The following BAIAP2 variants were observed in gnomAD, a reference collection of about 807,000 sequenced individuals.
BAIAP2 encodes BAR/IMD domain containing adaptor protein 2.
In BAIAP2, 18 loss-of-function variants were observed where a neutral mutation model predicts 63.0. The ratio of observed to expected loss-of-function variants is 0.29; its 90% CI spans 0.20 to 0.42. The LOEUF (loss-of-function observed/expected upper bound fraction) is 0.42. Among genes scored for constraint, BAIAP2 ranks in the 10% least tolerant of loss-of-function variants. BAIAP2 has a pLI of 1.00. For synonymous variants in BAIAP2, 386 were observed against 307.6 expected (o/e 1.25, Z -2.67); for missense variants, 610 against 734.3 (o/e 0.83, Z 1.96).
Position 81,104,655 on chromosome 17 carries a change from C to T in BAIAP2, c.1208C>T (p.Thr403Ile), listed in dbSNP as rs1310438757. 7 of 1,608,810 alleles carry T rather than the reference C, an allele frequency of 4.4e-6. No individual in the cohort carries two copies. In the Admixed American group the frequency reaches 1.2e-4, roughly 27 times the overall value. Residue 403 changes from threonine to isoleucine, a missense_variant, in exon 10 of 14, where the codon ACC (threonine) becomes ATC (isoleucine). By Grantham distance (89) the Thr-to-Ile change is moderately conservative. This residue lies in a region of BAIAP2 where 67 missense variants were observed against 132.0 expected (regional missense o/e 0.51). Coordinates refer to ENST00000428708, the MANE Select transcript of BAIAP2 (RefSeq NM_001144888.2). ...AGCTTCAAGGAGGGTGACCTCATTACCCTGCTGGTGCCTGAGGCCCGCGAT... is the reference window on the plus strand; with the variant it reads ...AGCTTCAAGGAGGGTGACCTCATTATCCTGCTGGTGCCTGAGGCCCGCGAT... Reference protein sequence around the residue: ...LLSFKEGDLITLLVPEARDGW... With the variant: ...LLSFKEGDLIILLVPEARDGW...
At chr17:81,111,123 G>T (rs1360201658) in intron 13 of BAIAP2, among the ~76,000 whole-genome samples, 1 of 152,180 alleles carries the variant, frequency 6.6e-6, no homozygotes, top group Non-Finnish European at 1.5e-5. Flanking sequence ...CTTCTCTACT[G>T]GGTCCCCTCC....
intron 12 of BAIAP2, 93 bp from the exon 13 acceptor site, chr17:81,108,382 C>A (rs868504218): frequency 2.8e-6 from 4 of 1,403,978 alleles, no homozygotes; most frequent in South Asian, 2.4e-5. Context: ...CTTGTCCAGG[C>A]AGGATCACCA....
intron 6 of BAIAP2, among the ~76,000 whole-genome samples, chr17:81,091,898 C>T (rs1343670075): frequency 4.6e-5 from 7 of 152,190 alleles, no homozygotes; most frequent in Non-Finnish European, 7.4e-5. Context: ...TAGAGCTGGC[C>T]GGGGCCTGGC....
At chr17:81,075,936 ATTTTT>A (rs56219227) in intron 3 of BAIAP2, among the ~76,000 whole-genome samples, 1 of 145,396 alleles carries the variant, frequency 6.9e-6, no homozygotes, top group Non-Finnish European at 1.5e-5. Context: ...TCTGCTGGGA[ATTTTT>A]TTTTTTTTTT....
chr17:81,078,797 G>A (rs948000102), intron 3 of BAIAP2, among the ~76,000 whole-genome samples: 3 of 152,106 alleles, frequency 2.0e-5, no homozygotes, highest in Admixed American at 1.3e-4. Context: ...CTCCAGGCTG[G>A]CAGCAGATCT....
Position 81,046,969 on chromosome 17 carries a change from C to T in BAIAP2, c.55-6699C>T, listed in dbSNP as rs1598504819. Among the ~76,000 whole-genome samples, 1 of 152,178 alleles carries T rather than the reference C, an allele frequency of 6.6e-6. No individual in the cohort carries two copies. On this transcript the variant is annotated intron_variant, in intron 1 of 13. Coordinates refer to ENST00000428708, the MANE Select transcript of BAIAP2 (RefSeq NM_001144888.2). This position sits in a 1 kb window ranked among gnomAD's most constrained non-coding sequence, Gnocchi z 4.5. ...GCAGCTGCCACCGGCTTCTGCCTGT[C>T]GCGACAGAGGTGGAAGTGAGGGCGG...
chr17:81,102,569 G>A (rs2058641567), intron 7 of BAIAP2, among the ~76,000 whole-genome samples: 1 of 152,246 alleles, frequency 6.6e-6, no homozygotes, highest in South Asian at 2.1e-4. Flanking sequence ...TACAAAACAG[G>A]AAGCCAGCCC....
At chr17:81,093,755 C>T (rs1218993841) in intron 6 of BAIAP2, among the ~76,000 whole-genome samples, 1 of 152,126 alleles carries the variant, frequency 6.6e-6, no homozygotes, top group Non-Finnish European at 1.5e-5. Context: ...GAGATGCGTG[C>T]TATTTAAAGG....
At chr17:81,102,353 C>G (rs987477581) in intron 7 of BAIAP2, among the ~76,000 whole-genome samples, 3 of 152,138 alleles carry the variant, frequency 2.0e-5, no homozygotes, top group African/African-American at 4.8e-5. Flanking sequence ...AGTGCTGGTC[C>G]CTGCTGGCCT....
intron 3 of BAIAP2, among the ~76,000 whole-genome samples, chr17:81,068,017 G>A (rs1040069381): frequency 5.9e-5 from 9 of 152,262 alleles, no homozygotes; most frequent in African/African-American, 1.4e-4. Context: ...GGGCCTGGGG[G>A]CACAGGTGCC....
intron 11 of BAIAP2, 57 bp from the exon 12 acceptor site, chr17:81,106,688 G>C (rs1039268954): frequency 1.7e-5 from 28 of 1,603,454 alleles, no homozygotes; most frequent in Admixed American, 6.7e-5. Flanking sequence ...CCACAGGGTT[G>C]TGGGGTGTTG....
At chr17:81,101,055 C>T (rs1267496942) in intron 7 of BAIAP2, among the ~76,000 whole-genome samples, 1 of 151,188 alleles carries the variant, frequency 6.6e-6, no homozygotes, top group East Asian at 1.9e-4. Context: ...TCCCCCGGCA[C>T]AGTCCTGCGG....
At chr17:81,041,661 G>A (rs545685533) in intron 1 of BAIAP2, among the ~76,000 whole-genome samples, 4 of 152,004 alleles carry the variant, frequency 2.6e-5, no homozygotes, top group Non-Finnish European at 4.4e-5. Flanking sequence ...TGCAACCTCC[G>A]CCTCCCGGGT....
intron 6 of BAIAP2, chr17:81,087,695 G>A (rs1208456831): frequency 6.6e-6 from 1 of 152,168 alleles, no homozygotes; most frequent in South Asian, 2.1e-4. Flanking sequence ...GGGGTCCCTC[G>A]GGTGCCCGCT....
chr17:81,042,435 T>G (rs1172576000), intron 1 of BAIAP2, among the ~76,000 whole-genome samples: 1 of 152,072 alleles, frequency 6.6e-6, no homozygotes, highest in Non-Finnish European at 1.5e-5. Flanking sequence ...GGATTACATG[T>G]GTGAGCAAAC....
At chr17:81,042,604 A>AC (rs200740999) in intron 1 of BAIAP2, among the ~76,000 whole-genome samples, 2,616 of 152,176 alleles carry the variant, frequency 0.017, 29 homozygotes, top group Middle Eastern at 0.044. Context: ...ATGCCAGGTG[A>AC]CCGCCTGCTT....
Position 81,110,833 on chromosome 17 carries a change from C to T in BAIAP2, c.1535+2324C>T, listed in dbSNP as rs991817197. The T allele has an allele frequency of 6.2e-5, 97 of 1,559,432 alleles. No individual in the cohort carries two copies. The Admixed American group carries it at 7.5e-4, about 12-fold the overall frequency. On this transcript the variant is annotated intron_variant, in intron 13 of 13. Transcript: ENST00000428708. ...CAGGGTTCTAGGTCTCCTGGCAGCT[C>T]GCCCGTGGTCCCCCCTCCTCTGCAC...
chr17:81,049,627 C>T (rs561373573), intron 1 of BAIAP2, among the ~76,000 whole-genome samples: 5 of 152,346 alleles, frequency 3.3e-5, no homozygotes, highest in African/African-American at 4.8e-5. Flanking sequence ...AAGATACACT[C>T]GCTCAGTGAC....
chr17:81,108,359 A>G (rs2059423517), intron 12 of BAIAP2, 116 bp from the exon 13 acceptor site: 1 of 1,180,654 alleles, frequency 8.5e-7, no homozygotes, highest in African/African-American at 1.5e-5. Context: ...TTCCAAAGGA[A>G]CACGGTTTGA....
Sources: gnomAD v4.1 joint callset for allele counts (sites outside exome capture counted in the v4.1 genomes callset) on GRCh38, gnomAD v4.1.1 for gene constraint, gnomAD v4.1.1 regional missense constraint, Gnocchi (gnomAD v3.1) non-coding constraint, MANE v1.5 for transcripts, NCBI Gene and HGNC (gene_info 2026-07-23, HGNC 2026-07-21) for gene names.